RNF20: variants seen among roughly 807,000 people sequenced by gnomAD.
RNF20 encodes E3 ubiquitin-protein ligase BRE1A.
A neutral mutation model predicts 126.2 loss-of-function variants in RNF20; 84 were observed. The observed-to-expected ratio is 0.67, with a 90% CI of 0.56 to 0.80. The LOEUF (loss-of-function observed/expected upper bound fraction) is 0.80, where lower values mean the gene tolerates loss of function less well. Ranked by LOEUF, RNF20 falls within the 30% of genes least tolerant of loss-of-function variation. RNF20 has a pLI of 0.00. For missense variants in RNF20, 869 were observed against 1,188.2 expected, an observed-to-expected ratio of 0.73 and a Z score of 3.95; for synonymous variants, 400 against 414.3, an observed-to-expected ratio of 0.97 and a Z score of 0.42.
intron 14 of RNF20, 71 bp downstream of exon 14, chr9:101,554,176 C>A: frequency 1.2e-6 from 1 of 836,682 alleles, no homozygotes; most frequent in Non-Finnish European, 2.0e-6. Flanking sequence ...TTATACTTGC[C>A]AACGATATAA....
rs759031978 is a variant in RNF20 at position 101,554,734 on chromosome 9, A to C, written c.2060A>C (p.Lys687Thr). 1 of 1,609,806 alleles carries C rather than the reference A, an allele frequency of 6.2e-7. No homozygotes were observed. Among genetic ancestry groups the C allele is most frequent in the South Asian group, 1.1e-5 (1 of 90,668 alleles). Residue 687 changes from lysine (K) to threonine (T), a missense_variant, in exon 15 of 20, where the codon AAA becomes ACA. This residue lies in a region of RNF20 where 231 missense variants were observed against 263.6 expected (regional missense o/e 0.88). Transcript: ENST00000389120. The stretch of plus-strand genomic sequence containing the variant: ...CAAAGACTCAAGGATCTGGAAGATA[A>C]AGAGAAGAAAGAGAACAAGAAAATG... ...LRQRLKDLEDKEKKENKKMAD... is the reference protein window; with the variant it reads ...LRQRLKDLEDTEKKENKKMAD...
At chr9:101,536,996 A>G (rs561190008) in intron 2 of RNF20, among the ~76,000 whole-genome samples, 35 of 152,290 alleles carry the variant, frequency 2.3e-4, no homozygotes, top group African/African-American at 7.5e-4. Flanking sequence ...CCCCGCTCCA[A>G]TTGGTTGAAG....
intron 15 of RNF20, among the ~76,000 whole-genome samples, chr9:101,555,804 AC>A (rs1161459958): frequency 4.5e-4 from 68 of 151,348 alleles, no homozygotes; most frequent in African/African-American, 1.5e-3. Context: ...AAAAAAAAAA[AC>A]AAAATTAGCT....
chr9:101,553,943 T>C (rs978104662), intron 13 of RNF20, 45 bp from the exon 14 acceptor site: 11 of 1,123,052 alleles, frequency 9.8e-6, no homozygotes, highest in Non-Finnish European at 1.5e-5. Flanking sequence ...ATGACCTTTA[T>C]TTTCTTATTA....
At chr9:101,559,336 C>T (rs1185177737) in intron 16 of RNF20, among the ~76,000 whole-genome samples, 1 of 152,110 alleles carries the variant, frequency 6.6e-6, no homozygotes, top group Non-Finnish European at 1.5e-5. Flanking sequence ...AATGTGATGC[C>T]TCCAGATTTG....
chr9:101,547,534 T>C lies in RNF20; in HGVS notation c.1092+16T>C, dbSNP rs779154286. 1 of 1,613,480 alleles carries C rather than the reference T, an allele frequency of 6.2e-7. No individual in the cohort carries two copies. The stretch of plus-strand genomic sequence containing the variant: ...AAAGCTGAAGGTAGGAACGCATCCC[T>C]GAAGGGCAGTAAAATCAGACGTTCT... On this transcript the variant is annotated intron_variant, in intron 9 of 19. Coordinates refer to ENST00000389120, the MANE Select transcript of RNF20 (RefSeq NM_019592.7).
At chr9:101,554,572 T>C in intron 14 of RNF20, 122 bp from the exon 15 acceptor site, 1 of 728,218 alleles carries the variant, frequency 1.4e-6, no homozygotes, top group Non-Finnish European at 2.2e-6. Flanking sequence ...TTATGTACCT[T>C]GTTCTATAAT....
rs1827246383 is a variant in RNF20, at chr9:101,540,644, G to A, written c.445+7G>A. On this transcript the variant is annotated splice_region_variant and intron_variant, in intron 4 of 19. Coordinates refer to ENST00000389120, the MANE Select transcript of RNF20 (RefSeq NM_019592.7). ...AAAGATGACCGAGAGAGAGGCAAGT[G>A]TTCGTGATGGATTCTATCACTGCAT... The A allele has an allele frequency of 6.2e-7, 1 of 1,613,814 alleles. No homozygotes were observed.
chr9:101,549,336 A>T (rs1827404859), intron 9 of RNF20, among the ~76,000 whole-genome samples: 1 of 152,178 alleles, frequency 6.6e-6, no homozygotes, highest in Non-Finnish European at 1.5e-5. Context: ...ATAGAGAGAG[A>T]GGAGACAGAG....
At chr9:101,561,805 A>G in intron 18 of RNF20, 105 bp from the exon 19 acceptor site, 1 of 800,264 alleles carries the variant, frequency 1.2e-6, no homozygotes, top group Non-Finnish European at 2.2e-6. Flanking sequence ...CCATAAAAGG[A>G]TAGAAAGTCC....
intron 7 of RNF20, 85 bp downstream of exon 7, chr9:101,547,051 G>GA (rs1348338996): frequency 3.4e-5 from 54 of 1,602,600 alleles, no homozygotes; most frequent in Middle Eastern, 1.7e-4. Flanking sequence ...GGTATTTGAG[G>GA]AAAAAATCTC....
chr9:101,536,238 TGTTATATA>T (rs1320442213), intron 2 of RNF20, among the ~76,000 whole-genome samples: 5 of 152,318 alleles, frequency 3.3e-5, no homozygotes, highest in African/African-American at 1.2e-4. Flanking sequence ...CTCATAGTAA[TGTTATATA>T]TCTGTTAGAC....
intron 5 of RNF20, among the ~76,000 whole-genome samples, chr9:101,542,737 TTTTA>T (rs1366673958): frequency 6.6e-6 from 1 of 152,252 alleles, no homozygotes; most frequent in Non-Finnish European, 1.5e-5. Context: ...GAAACAATTG[TTTTA>T]TTTAAAAAGG....
At chr9:101,559,690 A>G (rs141250026) in intron 16 of RNF20, among the ~76,000 whole-genome samples, 14 of 152,194 alleles carry the variant, frequency 9.2e-5, no homozygotes, top group South Asian at 4.1e-4. Context: ...AGTTCTTGAT[A>G]TGATTCTCAG....
intron 5 of RNF20, among the ~76,000 whole-genome samples, chr9:101,543,442 G>C (rs1288971593): frequency 1.3e-5 from 2 of 149,466 alleles, no homozygotes; most frequent in East Asian, 4.0e-4. Flanking sequence ...ACTCTGCCAG[G>C]GCGGCACTGT....
intron 10 of RNF20, among the ~76,000 whole-genome samples, chr9:101,550,996 T>A (rs995538940): frequency 6.6e-6 from 1 of 152,208 alleles, no homozygotes; most frequent in Non-Finnish European, 1.5e-5. Flanking sequence ...AATGGGAGAA[T>A]AGTATCCATT....
chr9:101,545,543 G>C lies in RNF20; in HGVS notation c.747+658G>C. Among the ~76,000 whole-genome samples the C allele has an allele frequency of 1.3e-5, 2 of 152,190 alleles. 1 individual carries two copies. The highest frequency in any genetic ancestry group is 2.9e-5 in the Non-Finnish European group (2 of 68,044). On this transcript the variant is annotated intron_variant, in intron 6 of 19. Transcript: ENST00000389120. ...CTAGAAAGTGATTGAGCTGTGTTGT[G>C]ACTGTAGGTCTGTTTGACTTCAAAG...
chr9:101,540,219 GA>G lies in RNF20; in HGVS notation c.148del (p.Thr50HisfsTer42). 6.2e-7 allele frequency: 1 copy of G among 1,614,064 alleles called. No homozygotes were observed. Among genetic ancestry groups the G allele is most frequent in the South Asian group, 1.1e-5 (1 of 91,074 alleles). On this transcript the variant is annotated frameshift_variant, in exon 3 of 20. Coordinates refer to ENST00000389120, the MANE Select transcript of RNF20 (RefSeq NM_019592.7). LOFTEE classifies it high-confidence loss of function. ...GVSSTEELDIRTLQTKNRKLA... is the reference protein window; with the variant it reads ...GVSSTEELDIXTLQTKNRKLA... ...ACTGGGCAGGAGGAACTAGACATTA[GA>G]ACACTGCAAACCAAAAATCGCAAGC...
chr9:101,553,331 C>T (rs945490594), intron 13 of RNF20, among the ~76,000 whole-genome samples: 1 of 152,198 alleles, frequency 6.6e-6, no homozygotes, highest in African/African-American at 2.4e-5. Flanking sequence ...GGCAGAACGG[C>T]TTACTTCTTG....
Sources: gnomAD v4.1 joint callset for allele counts (sites outside exome capture counted in the v4.1 genomes callset) on GRCh38, gnomAD v4.1.1 for gene constraint, gnomAD v4.1.1 regional missense constraint, MANE v1.5 for transcripts, NCBI Gene and HGNC (gene_info 2026-07-23, HGNC 2026-07-21) for gene names.